The following HELLS variants were observed in gnomAD, a reference collection of about 807,000 sequenced individuals.
HELLS encodes lymphoid-specific helicase.
HELLS carries 32 observed loss-of-function variants against 120.0 expected under a neutral mutation model. The observed-to-expected ratio is 0.27, with a 90% CI of 0.20 to 0.36. HELLS has a LOEUF of 0.36. Among genes scored for constraint, HELLS ranks in the 10% least tolerant of loss-of-function variants. The pLI is 1.00. For missense variants in HELLS, 650 were observed against 993.4 expected (o/e 0.65, Z 4.65); for synonymous variants, 341 against 323.4 (o/e 1.05, Z -0.58).
chr10:94,576,041 C>A (rs1017353677), intron 9 of HELLS, among the ~76,000 whole-genome samples: 1 of 152,104 alleles, frequency 6.6e-6, no homozygotes, highest in African/African-American at 2.4e-5. Context: ...AGGTGGTCTG[C>A]CCGCCTCAGC....
rs1044383373 is a variant in HELLS, at chr10:94,545,821, A to G, written c.-101A>G. 1.7e-5 allele frequency: 23 copies of G among 1,345,490 alleles called. No individual in the cohort carries two copies. Among genetic ancestry groups the G allele is most frequent in the Non-Finnish European group, 2.3e-5 (22 of 959,362 alleles). The allele number at this position is 1,345,490 out of a possible 1,614,324, so 83.3% of individuals were successfully genotyped here. On this transcript the variant is annotated 5_prime_UTR_variant, in exon 1 of 22. Transcript: ENST00000348459. ...AGCGCGCTTTTTTCCCTGGCGGGGG[A>G]TTTGGCTAGAAGGCTGGGCCGGCAG... is the stretch of plus-strand genomic sequence containing the variant.
intron 21 of HELLS, among the ~76,000 whole-genome samples, chr10:94,598,860 T>G (rs1397309956): frequency 1.3e-5 from 2 of 152,196 alleles, no homozygotes; most frequent in Non-Finnish European, 2.9e-5. Flanking sequence ...AGATCTATGA[T>G]CTATTTTCAA....
intron 10 of HELLS, among the ~76,000 whole-genome samples, chr10:94,578,370 T>G (rs957439814): frequency 1.3e-5 from 2 of 152,164 alleles, no homozygotes; most frequent in African/African-American, 4.8e-5. Context: ...TATTGTGCAC[T>G]TTATTTTTAT....
chr10:94,568,330 A>C (rs565391608), intron 6 of HELLS, among the ~76,000 whole-genome samples: 4 of 152,234 alleles, frequency 2.6e-5, no homozygotes, highest in South Asian at 4.2e-4. Context: ...AGCACAAAGC[A>C]AACAATTTAT....
chr10:94,603,295 A>T (rs55902049), downstream of HELLS, among the ~76,000 whole-genome samples: 3,353 of 152,208 alleles, frequency 0.022, 125 homozygotes, highest in African/African-American at 0.075. Context: ...TGGAGCTGGT[A>T]TTTTTAAGGT....
intron 2 of HELLS, among the ~76,000 whole-genome samples, chr10:94,550,773 T>C (rs906970436): frequency 6.6e-6 from 1 of 151,974 alleles, no homozygotes; most frequent in Non-Finnish European, 1.5e-5. Context: ...CCTATAGTCC[T>C]AGCTACTCAA....
intron 10 of HELLS, chr10:94,577,673 T>G (rs1196568263): frequency 6.6e-6 from 1 of 152,300 alleles, no homozygotes; most frequent in Admixed American, 6.5e-5. Flanking sequence ...ATGCCAGTAA[T>G]TCCAGCACTT....
chr10:94,602,360 G>C (rs1846069704), downstream of HELLS, among the ~76,000 whole-genome samples: 2 of 152,218 alleles, frequency 1.3e-5, no homozygotes, highest in South Asian at 4.2e-4. Context: ...TTATAGTAGT[G>C]GGTTAACTAG....
chr10:94,574,140 G>T lies in HELLS; in HGVS notation c.658G>T (p.Gly220Ter). The T allele has an allele frequency of 6.2e-7, 1 of 1,614,030 alleles. No individual in the cohort carries two copies. Among genetic ancestry groups the T allele is most frequent in the Non-Finnish European group, 8.5e-7 (1 of 1,179,954 alleles). The change falls in exon 8 of 22, where the codon GGA (glycine) becomes TGA (stop). Residue 220 changes from glycine (G) to a stop codon, truncating the protein, a stop_gained. Transcript: ENST00000348459. LOFTEE classifies it high-confidence loss of function. ...VPFQQPKHFT[G>*]GVMRWYQVEG... Reference sequence around the variant, plus strand: ...TTTTCAACAACCAAAGCACTTCACTGGAGGAGTGATGCGATGGTACCAAGT... The same window carrying T: ...TTTTCAACAACCAAAGCACTTCACTTGAGGAGTGATGCGATGGTACCAAGT...
Position 94,593,502 on chromosome 10 carries a change from C to A in HELLS, c.1975C>A (p.His659Asn). The A allele has an allele frequency of 6.2e-7, 1 of 1,603,874 alleles. No individual in the cohort carries two copies. The highest frequency in any genetic ancestry group is 8.5e-7 in the Non-Finnish European group (1 of 1,170,970). The part of the protein sequence containing the change: ...MSYSEREKNM[H>N]SFNTDPEVFI... ...TTTACATCCTTTTTGCTTTTAGATG[C>A]ACAGCTTCAACACGGATCCAGAGGT... is the stretch of plus-strand genomic sequence containing the variant. The change falls in exon 18 of 22, where the codon CAC becomes AAC. Residue 659 changes from histidine (H) to asparagine (N), a missense_variant. Around this residue, in one of 9 missense-constraint regions of HELLS, gnomAD observed 191 missense variants for 259.7 expected, o/e 0.74. Transcript: ENST00000348459.
intron 2 of HELLS, among the ~76,000 whole-genome samples, chr10:94,549,534 A>T (rs932513597): frequency 2.0e-5 from 3 of 152,134 alleles, no homozygotes; most frequent in African/African-American, 7.2e-5. Context: ...TGGAGTCAGG[A>T]GATTTCTTGG....
At chr10:94,561,904 C>A (rs959770010) in intron 4 of HELLS, among the ~76,000 whole-genome samples, 1 of 151,850 alleles carries the variant, frequency 6.6e-6, no homozygotes, top group African/African-American at 2.4e-5. Flanking sequence ...AATACCCTAC[C>A]TATTGAAGGG....
At chr10:94,547,679 A>G (rs547382459) in intron 2 of HELLS, among the ~76,000 whole-genome samples, 136 of 152,298 alleles carry the variant, frequency 8.9e-4, no homozygotes, top group African/African-American at 3.2e-3. Flanking sequence ...AACAATTGCT[A>G]TTATTGAACT....
chr10:94,606,073 CT>C (rs1453734069), downstream of HELLS, among the ~76,000 whole-genome samples: 28 of 116,354 alleles, frequency 2.4e-4, no homozygotes, highest in East Asian at 5.2e-4. Context: ...TTTTTTTTTT[CT>C]TTTTTTTTTT....
chr10:94,600,241 A>C (rs985451044), intron 21 of HELLS, among the ~76,000 whole-genome samples: 2 of 151,070 alleles, frequency 1.3e-5, no homozygotes, highest in African/African-American at 4.9e-5. Flanking sequence ...CAGTGAATGG[A>C]GATTGTGCCA....
At chr10:94,587,658 C>T (rs1845236352) in intron 12 of HELLS, among the ~76,000 whole-genome samples, 1 of 152,178 alleles carries the variant, frequency 6.6e-6, no homozygotes, top group Non-Finnish European at 1.5e-5. Flanking sequence ...AAACTCTTGA[C>T]CCAGGTGATT....
At chr10:94,569,792 C>T (rs1308941560) in intron 6 of HELLS, 5 of 152,018 alleles carry the variant, frequency 3.3e-5, no homozygotes, top group East Asian at 3.9e-4. Context: ...AATCAGGATC[C>T]GAAAAAGTTA....
In HELLS at chr10:94,576,027, C is replaced by T. The variant is rs180977208; in HGVS notation, c.889-635C>T. 3.6e-3 allele frequency among the ~76,000 whole-genome samples: 541 copies of T among 152,178 alleles called. 2 individuals carry two copies. Among genetic ancestry groups the T allele is most frequent in the African/African-American group, 0.012 (490 of 41,520 alleles). On this transcript the variant is annotated intron_variant, in intron 9 of 21. Transcript: ENST00000348459. Reference sequence around the variant, plus strand: ...GGTCAGGCTGGTCTGGAACTCCCGACCTCAGGTGGTCTGCCCGCCTCAGCT... The same window carrying T: ...GGTCAGGCTGGTCTGGAACTCCCGATCTCAGGTGGTCTGCCCGCCTCAGCT...
At chr10:94,566,505 T>C (rs1002116979) in intron 6 of HELLS, among the ~76,000 whole-genome samples, 1 of 152,158 alleles carries the variant, frequency 6.6e-6, no homozygotes, top group African/African-American at 2.4e-5. Context: ...AAGCTGTCGA[T>C]GTAAGCATGG....
Sources: gnomAD v4.1 joint callset for allele counts (sites outside exome capture counted in the v4.1 genomes callset) on GRCh38, gnomAD v4.1.1 for gene constraint, gnomAD v4.1.1 regional missense constraint, MANE v1.5 for transcripts, NCBI Gene and HGNC (gene_info 2026-07-23, HGNC 2026-07-21) for gene names.